The following TES variants were observed in gnomAD, a reference collection of about 807,000 sequenced individuals.
TES encodes testin LIM domain protein.
Under a neutral mutation model 48.2 loss-of-function variants are expected in TES, and 41 were observed. The ratio of observed to expected loss-of-function variants is 0.85; its 90% CI spans 0.66 to 1.10. The LOEUF (loss-of-function observed/expected upper bound fraction) is 1.10, where lower values mean the gene tolerates loss of function less well. Among genes scored for constraint, TES ranks in the 50% least tolerant of loss-of-function variants. The pLI, the probability that TES is intolerant of heterozygous loss-of-function variation, is 0.00. For missense variants in TES, 463 were observed against 515.1 expected, an observed-to-expected ratio of 0.90 and a Z score of 0.98; for synonymous variants, 162 against 174.9, an observed-to-expected ratio of 0.93 and a Z score of 0.58.
chr7:116,231,270 C>T (rs1240425969), intron 1 of TES, among the ~76,000 whole-genome samples: 5 of 152,158 alleles, frequency 3.3e-5, no homozygotes, highest in Non-Finnish European at 5.9e-5. Flanking sequence ...TTTAAAAGAG[C>T]AGCAGTTCAT....
chr7:116,223,006 C>T (rs1799574563), intron 1 of TES: 1 of 984,756 alleles, frequency 1.0e-6, no homozygotes, highest in African/African-American at 1.7e-5. Context: ...GAGTAGAGTC[C>T]ACAGAAGAGG....
At chr7:116,225,910 A>C (rs1243832715) in intron 1 of TES, among the ~76,000 whole-genome samples, 1 of 152,212 alleles carries the variant, frequency 6.6e-6, no homozygotes, top group East Asian at 1.9e-4. Flanking sequence ...AGGAGCAGTC[A>C]CAGCTCTGTC....
chr7:116,256,869 G>A (rs1800107291), intron 6 of TES, among the ~76,000 whole-genome samples: 1 of 152,104 alleles, frequency 6.6e-6, no homozygotes, highest in South Asian at 2.1e-4. Flanking sequence ...GAAATTAGTG[G>A]TGTTAATAAT....
intron 2 of TES, chr7:116,238,980 G>A (rs901508468): frequency 4.6e-5 from 7 of 152,358 alleles, no homozygotes; most frequent in African/African-American, 1.7e-4. Context: ...TCAAAAAGCT[G>A]AAATGAAGGT....
At chr7:116,225,375 T>C (rs774468524) in intron 1 of TES, among the ~76,000 whole-genome samples, 1 of 152,124 alleles carries the variant, frequency 6.6e-6, no homozygotes, top group Non-Finnish European at 1.5e-5. Context: ...ATTAACTTAA[T>C]ACTGTTACTG....
intron 2 of TES, among the ~76,000 whole-genome samples, chr7:116,248,556 T>G (rs1799959032): frequency 6.6e-6 from 1 of 152,242 alleles, no homozygotes; most frequent in Admixed American, 6.5e-5. Flanking sequence ...GAGCATGTTT[T>G]CATATATTTT....
chr7:116,236,816 TCA>T (rs71970997), intron 2 of TES, among the ~76,000 whole-genome samples: 367 of 152,320 alleles, frequency 2.4e-3, no homozygotes, highest in African/African-American at 8.6e-3. Context: ...TTTCAATTTA[TCA>T]CACAGACTCA....
At chr7:116,219,579 G>A (rs1327512363) in intron 1 of TES, among the ~76,000 whole-genome samples, 2 of 151,962 alleles carry the variant, frequency 1.3e-5, no homozygotes, top group Non-Finnish European at 2.9e-5. Context: ...CCAACTGCAG[G>A]AGCACCTTTT....
chr7:116,239,381 G>A (rs1362630949), intron 2 of TES: 1 of 152,106 alleles, frequency 6.6e-6, no homozygotes, highest in East Asian at 1.9e-4. Flanking sequence ...GAAGTCATAG[G>A]GGCCATGTTA....
intron 1 of TES, chr7:116,217,626 A>G (rs1172664250): frequency 7.1e-6 from 2 of 279,988 alleles, no homozygotes; most frequent in Non-Finnish European, 1.4e-5. Flanking sequence ...AAGATAAGGA[A>G]ACAAAAGACT....
rs932510003 is a variant in TES at position 116,251,625 on chromosome 7, A to G, written c.703-135A>G. Reference sequence around the variant, plus strand: ...GTGAACCCAGGAGGCGGAGCTTGCAATGAGCCGAGATAGCACCACTGGACT... The same window carrying G: ...GTGAACCCAGGAGGCGGAGCTTGCAGTGAGCCGAGATAGCACCACTGGACT... On this transcript the variant is annotated intron_variant, in intron 4 of 6. Transcript: ENST00000358204. The G allele has an allele frequency of 5.4e-4, 431 of 796,110 alleles. 2 individuals carry two copies. The highest frequency in any genetic ancestry group is 2.6e-4 in the Non-Finnish European group (126 of 487,834). The allele number at this position is 796,110 out of a possible 1,614,324, so 49.3% of individuals were successfully genotyped here. A position where few individuals can be genotyped will look rare whatever the true frequency, so the allele number is the denominator to read the frequency against.
chr7:116,253,118 A>G (rs1800043121), intron 6 of TES, among the ~76,000 whole-genome samples: 1 of 152,258 alleles, frequency 6.6e-6, no homozygotes, highest in Non-Finnish European at 1.5e-5. Flanking sequence ...GGTAAAGTGT[A>G]TAATCCAGGA....
intron 2 of TES, among the ~76,000 whole-genome samples, chr7:116,244,920 G>A (rs1000683713): frequency 2.6e-5 from 4 of 152,124 alleles, no homozygotes; most frequent in Admixed American, 6.5e-5. Flanking sequence ...TGAAGCAATG[G>A]GCCAAGCTAT....
At chr7:116,214,130 ACTTTT>A (rs540505932) in intron 1 of TES, among the ~76,000 whole-genome samples, 1 of 152,112 alleles carries the variant, frequency 6.6e-6, no homozygotes, top group South Asian at 2.1e-4. Context: ...TATTTTGCAT[ACTTTT>A]CTTAAGACTC....
At chr7:116,222,656 C>T (rs1448632726) in intron 1 of TES, 2 of 152,190 alleles carry the variant, frequency 1.3e-5, no homozygotes, top group African/African-American at 4.8e-5. Context: ...CCTCTCAAAG[C>T]AGCTCTCTGT....
At chr7:116,242,697 T>C (rs1455981048) in intron 2 of TES, among the ~76,000 whole-genome samples, 1 of 152,244 alleles carries the variant, frequency 6.6e-6, no homozygotes, top group Non-Finnish European at 1.5e-5. Flanking sequence ...TTTTTCTGTT[T>C]CTGATGTAGA....
In TES at chr7:116,257,528, C is replaced by T. The variant is rs1303237416; in HGVS notation, c.*46C>T. 5 of 1,389,756 alleles carry T rather than the reference C, an allele frequency of 3.6e-6. No individual in the cohort carries two copies. Among genetic ancestry groups the T allele is most frequent in the East Asian group, 2.6e-5 (1 of 38,622 alleles). 86.1% of individuals were successfully genotyped at this position (1,389,756 alleles called of 1,614,324 possible). On this transcript the variant is annotated 3_prime_UTR_variant, in exon 7 of 7. Coordinates refer to ENST00000358204, the MANE Select transcript of TES (RefSeq NM_015641.4). ...TCGAGCCATAGCTATCCAAAGTGGT[C>T]TGCATTTCTACTGTAAAATGCAATT...
At chr7:116,244,196 C>A (rs375085770) in intron 2 of TES, among the ~76,000 whole-genome samples, 1 of 152,202 alleles carries the variant, frequency 6.6e-6, no homozygotes, top group Non-Finnish European at 1.5e-5. Context: ...GCCCTTCCAA[C>A]AGTCCCCCAA....
intron 2 of TES, among the ~76,000 whole-genome samples, chr7:116,236,607 G>A (rs1799775527): frequency 6.6e-6 from 1 of 152,092 alleles, no homozygotes; most frequent in Non-Finnish European, 1.5e-5. Context: ...TACTTAACCT[G>A]CATTCTTTTT....
Sources: allele counts gnomAD v4.1 joint callset (sites outside exome capture counted in the v4.1 genomes callset), GRCh38; gene constraint gnomAD v4.1.1; transcripts MANE v1.5; gene names NCBI Gene and HGNC (gene_info 2026-07-23, HGNC 2026-07-21).